Variants in TPO observed in about 807,000 individuals in gnomAD.
TPO encodes thyroid microsomal antigen.
A neutral mutation model predicts 96.9 loss-of-function variants in TPO; 78 were observed. The ratio of observed to expected loss-of-function variants is 0.81; its 90% CI spans 0.67 to 0.97. The LOEUF (loss-of-function observed/expected upper bound fraction) is 0.97, where lower values mean the gene tolerates loss of function less well. Ranked by LOEUF, TPO falls within the 50% of genes least tolerant of loss-of-function variation. The pLI, the probability that TPO is intolerant of heterozygous loss-of-function variation, is 0.00. For synonymous variants in TPO, 547 were observed against 538.0 expected, an observed-to-expected ratio of 1.02 and a Z score of -0.23; for missense variants, 1,252 against 1,274.8, an observed-to-expected ratio of 0.98 and a Z score of 0.27.
intron 1 of TPO, among the ~76,000 whole-genome samples, chr2:1,405,889 T>C (rs566988116): frequency 1.3e-5 from 2 of 152,384 alleles, no homozygotes; most frequent in Non-Finnish European, 2.9e-5. Context: ...CTGGACGATA[T>C]TCTAGATTAG....
rs542725213 is a variant in TPO at position 1,503,889 on chromosome 2, C to T, written c.2387-59C>T. The T allele has an allele frequency of 1.1e-4, 176 of 1,613,652 alleles. No homozygotes were observed. The Admixed American group carries it at 1.3e-3, about 12-fold the overall frequency. On this transcript the variant is annotated intron_variant, in intron 13 of 16. Coordinates refer to ENST00000329066, the MANE Select transcript of TPO (RefSeq NM_001206744.2). ...AGCACCTCCCAGAACGGGGGTCGCTCGCGGGAGATGGGGGTGCAGCCGCTT... is the reference window on the plus strand; with the variant it reads ...AGCACCTCCCAGAACGGGGGTCGCTTGCGGGAGATGGGGGTGCAGCCGCTT...
chr2:1,502,282 A>G (rs796115055), intron 13 of TPO, among the ~76,000 whole-genome samples: 20 of 152,284 alleles, frequency 1.3e-4, no homozygotes, highest in Admixed American at 9.1e-4. Flanking sequence ...CAGCCTTGAC[A>G]TGGTTACCTG....
intron 13 of TPO, among the ~76,000 whole-genome samples, chr2:1,499,201 C>T (rs777333690): frequency 2.6e-5 from 4 of 152,078 alleles, no homozygotes; most frequent in East Asian, 3.9e-4. Flanking sequence ...GGAGCTGCCC[C>T]CTGTGCGCGT....
At chr2:1,381,525 G>T (rs1357706178) in intron 1 of TPO, among the ~76,000 whole-genome samples, 1 of 152,084 alleles carries the variant, frequency 6.6e-6, no homozygotes, top group Non-Finnish European at 1.5e-5. Context: ...CTCCACCCAG[G>T]CCCCTCCTCC....
intron 13 of TPO, among the ~76,000 whole-genome samples, chr2:1,502,062 A>G (rs971926931): frequency 6.6e-6 from 1 of 152,086 alleles, no homozygotes; most frequent in Non-Finnish European, 1.5e-5. Flanking sequence ...ACCCCATTGC[A>G]CATCCCAGGG....
intron 1 of TPO, among the ~76,000 whole-genome samples, chr2:1,391,089 T>A (rs956763887): frequency 1.3e-5 from 2 of 152,166 alleles, no homozygotes; most frequent in Non-Finnish European, 2.9e-5. Flanking sequence ...GGTGTTTTAG[T>A]CATGAAGTCC....
intron 14 of TPO, 137 bp from the exon 15 acceptor site, chr2:1,516,746 G>GTCCC (rs1181059313): frequency 1.3e-6 from 1 of 768,170 alleles, no homozygotes. Context: ...GCAGATAAAT[G>GTCCC]TCCCTCCCTC....
Position 1,449,666 on chromosome 2 carries a change from G to A in TPO, c.483-4028G>A, listed in dbSNP as rs1341773116. On this transcript the variant is annotated intron_variant, in intron 5 of 16. Transcript: ENST00000329066. Reference sequence around the variant, plus strand: ...TAAAAAAACAGAAAATACCTTTGACGTCAAATAAATGTATTAGTCTTTAAG... The same window carrying A: ...TAAAAAAACAGAAAATACCTTTGACATCAAATAAATGTATTAGTCTTTAAG... Among the ~76,000 whole-genome samples the A allele has an allele frequency of 1.1e-4, 17 of 151,914 alleles. No homozygotes were observed. In the East Asian group the frequency reaches 2.3e-3, roughly 21 times the overall value.
chr2:1,530,487 C>T (rs1367994615), intron 15 of TPO, among the ~76,000 whole-genome samples: 2 of 146,588 alleles, frequency 1.4e-5, no homozygotes, highest in Admixed American at 6.8e-5. Flanking sequence ...CCTCAAATCC[C>T]CCTCACTCTG....
At chr2:1,409,076 C>T (rs1421082720), upstream of TPO, among the ~76,000 whole-genome samples, 1 of 152,108 alleles carries the variant, frequency 6.6e-6, no homozygotes, top group Non-Finnish European at 1.5e-5. Context: ...AGGAGCTTCG[C>T]ACAGGGACAG....
intron 14 of TPO, among the ~76,000 whole-genome samples, chr2:1,515,962 G>C (rs1300025864): frequency 6.6e-6 from 1 of 152,124 alleles, no homozygotes; most frequent in Non-Finnish European, 1.5e-5. Flanking sequence ...GTTTCATCTT[G>C]GATTTCTCCT....
chr2:1,478,441 G>A (rs1670197761), intron 8 of TPO: 1 of 976,682 alleles, frequency 1.0e-6, no homozygotes, highest in African/African-American at 1.8e-5. Flanking sequence ...GGAGGCACTG[G>A]AGCCTTGTCC....
At chr2:1,530,663 C>T (rs1168735255) in intron 15 of TPO, among the ~76,000 whole-genome samples, 1 of 116,690 alleles carries the variant, frequency 8.6e-6, no homozygotes, top group African/African-American at 3.4e-5. Context: ...ATCCCCCACA[C>T]TGTGTGCAAC....
At chr2:1,525,370 G>C (rs1676199758) in intron 15 of TPO, among the ~76,000 whole-genome samples, 1 of 117,704 alleles carries the variant, frequency 8.5e-6, no homozygotes, top group African/African-American at 3.5e-5. Context: ...CCCCCACTGT[G>C]AGCAAAACCA....
chr2:1,512,956 C>T (rs184249456), intron 14 of TPO, among the ~76,000 whole-genome samples: 9 of 152,338 alleles, frequency 5.9e-5, no homozygotes, highest in East Asian at 1.9e-4. Flanking sequence ...GCATCCCTGA[C>T]GCACAAGCCT....
chr2:1,480,886 C>A (rs1052181910), intron 8 of TPO, among the ~76,000 whole-genome samples: 8 of 93,050 alleles, frequency 8.6e-5, no homozygotes, highest in African/African-American at 2.8e-4. Flanking sequence ...ACCACAGCCG[C>A]CCCCACTCTG....
intron 13 of TPO, among the ~76,000 whole-genome samples, chr2:1,502,812 A>G (rs2124991946): frequency 6.6e-6 from 1 of 152,322 alleles, no homozygotes; most frequent in South Asian, 2.1e-4. Context: ...CTTTGATTCC[A>G]CGCCCATTTT....
At chr2:1,493,677 GT>G in intron 10 of TPO, 124 bp from the exon 11 acceptor site, 1 of 1,157,202 alleles carries the variant, frequency 8.6e-7, no homozygotes, top group Non-Finnish European at 1.3e-6. Context: ...GCCAGGCAGT[GT>G]CACAGGGTGG....
Position 1,433,478 on chromosome 2 carries a change from C to T in TPO, c.220C>T (p.Leu74=). ...AGGAATCCTTTCTCCAGCTCAGCTTCTGTCTTTTTCCAAACTTCCTGAGCC... is the reference window on the plus strand; with the variant it reads ...AGGAATCCTTTCTCCAGCTCAGCTTTTGTCTTTTTCCAAACTTCCTGAGCC... ...KRGILSPAQL[L]SFSKLPEPTS... is the part of the protein sequence containing the mutation. Residue 74 remains leucine, a synonymous_variant, in exon 4 of 17, where the codon CTG becomes TTG. Coordinates refer to ENST00000329066, the MANE Select transcript of TPO (RefSeq NM_001206744.2). 1 of 1,614,208 alleles carries T rather than the reference C, an allele frequency of 6.2e-7. No homozygotes were observed. The highest frequency in any genetic ancestry group is 8.5e-7 in the Non-Finnish European group (1 of 1,180,032).
Sources: allele counts gnomAD v4.1 joint callset (sites outside exome capture counted in the v4.1 genomes callset), GRCh38; gene constraint gnomAD v4.1.1; transcripts MANE v1.5; gene names NCBI Gene and HGNC (gene_info 2026-07-23, HGNC 2026-07-21).